The following LHFPL6 variants were observed in gnomAD, a reference collection of about 807,000 sequenced individuals.
The protein encoded by LHFPL6 is LHFPL tetraspan subfamily member 6, also known as LHFPL tetraspan subfamily member 6 protein.
LHFPL6 carries 9 observed loss-of-function variants against 20.6 expected under a neutral mutation model. The observed-to-expected ratio is 0.44, with a 90% CI of 0.26 to 0.76. LHFPL6 has a LOEUF of 0.76. Among genes scored for constraint, LHFPL6 ranks in the 30% least tolerant of loss-of-function variants. The probability of loss-of-function intolerance (pLI) is 0.20; values close to 1 mark genes in which losing one functional copy is unlikely to be tolerated. For synonymous variants in LHFPL6, 105 were observed against 98.7 expected (o/e 1.06, Z -0.38); for missense variants, 218 against 253.5 (o/e 0.86, Z 0.95).
At chr13:39,359,350 G>A (rs867733952) in intron 3 of LHFPL6, among the ~76,000 whole-genome samples, 1 of 152,102 alleles carries the variant, frequency 6.6e-6, no homozygotes, top group East Asian at 1.9e-4. Flanking sequence ...AAAATAAATT[G>A]TTCTACCAAG....
intron 2 of LHFPL6, among the ~76,000 whole-genome samples, chr13:39,480,285 C>G (rs1205574920): frequency 1.3e-5 from 2 of 152,150 alleles, no homozygotes; most frequent in Admixed American, 6.6e-5. Context: ...AATGAAAGCA[C>G]TTATTACTCA....
At chr13:39,537,992 CT>C (rs57732900) in intron 2 of LHFPL6, among the ~76,000 whole-genome samples, 10,915 of 43,200 alleles carry the variant, frequency 0.25, 500 homozygotes, top group East Asian at 0.4. Flanking sequence ...TTCTTTCTTT[CT>C]TTTTTTTTTT....
Position 39,601,097 on chromosome 13 carries a change from C to T in LHFPL6, c.120G>A (p.Lys40=). 6.2e-7 allele frequency: 1 copy of T among 1,614,222 alleles called. No individual in the cohort carries two copies. Among genetic ancestry groups the T allele is most frequent in the Non-Finnish European group, 8.5e-7 (1 of 1,180,038 alleles). ...PYWLWGSQLG[K]PVSFGTFRRC... ...TCCGGAAGGTACCGAAGGACACAGG[C>T]TTGCCCAGCTGTGATCCCCAGAGCC... The change falls in exon 2 of 4, where the codon AAG becomes AAA. Residue 40 remains lysine (K), a synonymous_variant. Coordinates refer to ENST00000379589, the MANE Select transcript of LHFPL6 (RefSeq NM_005780.3).
At position 39,343,883 on chromosome 13, in the gene LHFPL6, C is replaced by T; in HGVS notation, c.*53G>A. On this transcript the variant is annotated 3_prime_UTR_variant, in exon 4 of 4. Coordinates refer to ENST00000379589, the MANE Select transcript of LHFPL6 (RefSeq NM_005780.3). ...TGAAGGTAGGTGGATGTTTTGACCT[C>T]TCCAAGCCCCTTTGGCCCATCTTCT... The T allele has an allele frequency of 4.9e-6, 7 of 1,433,568 alleles. No homozygotes were observed. Among genetic ancestry groups the T allele is most frequent in the South Asian group, 4.7e-5 (4 of 85,730 alleles). 88.8% of individuals were successfully genotyped at this position (1,433,568 alleles called of 1,614,324 possible).
intron 3 of LHFPL6, among the ~76,000 whole-genome samples, chr13:39,354,815 A>C (rs1203950358): frequency 6.6e-6 from 1 of 152,122 alleles, no homozygotes; most frequent in Non-Finnish European, 1.5e-5. Flanking sequence ...CTCAGAGCTC[A>C]AAGACCAGTC....
At chr13:39,600,702 G>C (rs953065596) in intron 2 of LHFPL6, 130 bp downstream of exon 2, 1 of 986,474 alleles carries the variant, frequency 1.0e-6, no homozygotes, top group Non-Finnish European at 1.4e-6. Flanking sequence ...TATCATCAAA[G>C]CCATTCCAAA....
intron 2 of LHFPL6, among the ~76,000 whole-genome samples, chr13:39,557,419 C>T (rs1234948568): frequency 6.6e-6 from 1 of 152,208 alleles, no homozygotes; most frequent in Non-Finnish European, 1.5e-5. Context: ...AAAGCCTGAG[C>T]GTCCAGACAG....
At chr13:39,459,769 A>G (rs1460579660) in intron 2 of LHFPL6, among the ~76,000 whole-genome samples, 1 of 152,216 alleles carries the variant, frequency 6.6e-6, no homozygotes, top group African/African-American at 2.4e-5. Context: ...TATAAACATG[A>G]TCATGTGAAC....
intron 3 of LHFPL6, among the ~76,000 whole-genome samples, chr13:39,367,694 C>T (rs906835338): frequency 3.9e-5 from 6 of 152,128 alleles, no homozygotes; most frequent in Admixed American, 3.3e-4. Flanking sequence ...ATAACAAAAG[C>T]TATGAATATT....
rs1871279717 is a variant in LHFPL6, at chr13:39,413,464, G to A, written c.386-34938C>T. Among the ~76,000 whole-genome samples, 2 of 51,170 alleles carry A rather than the reference G, an allele frequency of 3.9e-5. 1 individual carries two copies. 33.6% of individuals were successfully genotyped at this position (51,170 alleles called of 152,430 possible). A position where few individuals can be genotyped will look rare whatever the true frequency, so the allele number is the denominator to read the frequency against. On this transcript the variant is annotated intron_variant, in intron 2 of 3. Transcript: ENST00000379589. ...TTTTTTTTTTTTTTAGGAATTGGGG[G>A]TAGGGGGGGTGGGTCTCACTATGTT...
chr13:39,483,520 C>T (rs1446065923), intron 2 of LHFPL6, among the ~76,000 whole-genome samples: 10 of 145,648 alleles, frequency 6.9e-5, no homozygotes, highest in Admixed American at 6.8e-4. Flanking sequence ...CCATTTCCTG[C>T]TCTTTTTCAT....
At chr13:39,560,831 C>CT (rs1213959396) in intron 2 of LHFPL6, among the ~76,000 whole-genome samples, 2 of 152,112 alleles carry the variant, frequency 1.3e-5, no homozygotes, top group Non-Finnish European at 2.9e-5. Flanking sequence ...TGCAAATTCT[C>CT]TAACATGATG....
intron 3 of LHFPL6, among the ~76,000 whole-genome samples, chr13:39,351,062 G>T (rs1289831366): frequency 6.6e-6 from 1 of 152,092 alleles, no homozygotes; most frequent in Non-Finnish European, 1.5e-5. Context: ...TAACAATTTG[G>T]AGCCTACCAA....
At chr13:39,492,329 A>G (rs1325965973) in intron 2 of LHFPL6, among the ~76,000 whole-genome samples, 1 of 152,224 alleles carries the variant, frequency 6.6e-6, no homozygotes, top group Non-Finnish European at 1.5e-5. Flanking sequence ...TCACTTTCTT[A>G]GTAAAATAGG....
chr13:39,441,999 T>C (rs149321821), intron 2 of LHFPL6, among the ~76,000 whole-genome samples: 146 of 151,874 alleles, frequency 9.6e-4, no homozygotes, highest in African/African-American at 2.9e-3. Context: ...CTGGCTAATT[T>C]TGTATTTTTA....
chr13:39,388,033 T>G (rs1870612578), intron 2 of LHFPL6, among the ~76,000 whole-genome samples: 1 of 152,034 alleles, frequency 6.6e-6, no homozygotes, highest in South Asian at 2.1e-4. Flanking sequence ...CATGGAGGTA[T>G]AAAGATGAGA....
rs372808854 is a variant in LHFPL6 at position 39,435,412 on chromosome 13, T to C, written c.386-56886A>G. ...TGGAAGATTTGTTTCTGTCACAGTA[T>C]GCTTGGCAGCTTCTCAATACTTAAA... On this transcript the variant is annotated intron_variant, in intron 2 of 3. Transcript: ENST00000379589. Among the ~76,000 whole-genome samples the C allele has an allele frequency of 1.2e-3, 187 of 152,378 alleles. 6 individuals carry two copies. The South Asian group carries it at 0.038, about 31-fold the overall frequency.
At position 39,394,687 on chromosome 13, in the gene LHFPL6, A is replaced by T. The variant is rs888910301; in HGVS notation, c.386-16161T>A. 8.5e-5 allele frequency among the ~76,000 whole-genome samples: 13 copies of T among 152,316 alleles called. 1 individual carries two copies. The highest frequency in any genetic ancestry group is 3.1e-4 in the African/African-American group (13 of 41,570). On this transcript the variant is annotated intron_variant, in intron 2 of 3. Transcript: ENST00000379589. ...ATGATGGAGTAAAATTGATGCTCTT[A>T]GAAGATATTTTGGGTTTATCTCGTG... is the stretch of plus-strand genomic sequence containing the variant.
intron 2 of LHFPL6, among the ~76,000 whole-genome samples, chr13:39,550,555 A>C (rs1374211231): frequency 6.6e-6 from 1 of 152,112 alleles, no homozygotes; most frequent in Non-Finnish European, 1.5e-5. Context: ...GCACAATCAT[A>C]ATACCTTTGA....
Sources: gnomAD v4.1 joint callset for allele counts (sites outside exome capture counted in the v4.1 genomes callset) on GRCh38, gnomAD v4.1.1 for gene constraint, MANE v1.5 for transcripts, NCBI Gene and HGNC (gene_info 2026-07-23, HGNC 2026-07-21) for gene names.